TENM2: variants seen among roughly 807,000 people sequenced by gnomAD.
TENM2 encodes the protein teneurin-2.
In TENM2, 52 loss-of-function variants were observed where a neutral mutation model predicts 245.2. The ratio of observed to expected loss-of-function variants is 0.21; its 90% CI spans 0.17 to 0.27. TENM2 has a LOEUF of 0.27. TENM2 is among the 10% of genes least tolerant of loss of function. The pLI, the probability that TENM2 is intolerant of heterozygous loss-of-function variation, is 1.00. For synonymous variants in TENM2, 1,363 were observed against 1,438.9 expected, an observed-to-expected ratio of 0.95 and a Z score of 1.19; for missense variants, 3,046 against 3,666.8, an observed-to-expected ratio of 0.83 and a Z score of 4.37.
At chr5:167,323,161 C>T (rs921921230) in intron 1 of TENM2, among the ~76,000 whole-genome samples, 3 of 152,066 alleles carry the variant, frequency 2.0e-5, no homozygotes, top group African/African-American at 4.8e-5. Context: ...ATATAGAGCT[C>T]GACCGAACTT....
chr5:167,973,040 G>A (rs1164620562), intron 4 of TENM2, among the ~76,000 whole-genome samples: 1 of 152,160 alleles, frequency 6.6e-6, no homozygotes, highest in Admixed American at 6.5e-5. Context: ...GTTTGAGTTT[G>A]CCTCTTCTCC....
chr5:167,687,864 A>G (rs923020424), intron 2 of TENM2, among the ~76,000 whole-genome samples: 1 of 152,218 alleles, frequency 6.6e-6, no homozygotes, highest in Admixed American at 6.5e-5. Context: ...GCACTTGAAA[A>G]TAGACTGCAG....
chr5:168,246,625 A>T (rs1197352828), intron 26 of TENM2, 132 bp from the exon 29 acceptor site: 6 of 921,440 alleles, frequency 6.5e-6, no homozygotes, highest in Non-Finnish European at 8.3e-6. Context: ...AAATCTGTTT[A>T]ATCTGGTCTA....
chr5:167,309,347 T>G (rs1226296341), intron 1 of TENM2, among the ~76,000 whole-genome samples: 1 of 152,192 alleles, frequency 6.6e-6, no homozygotes, highest in Non-Finnish European at 1.5e-5. Context: ...CACTTCTGAC[T>G]TAGGATGGGA....
chr5:167,872,727 C>T (rs1037341497), intron 2 of TENM2, among the ~76,000 whole-genome samples: 5 of 152,252 alleles, frequency 3.3e-5, no homozygotes, highest in Middle Eastern at 3.4e-3. Context: ...TTCTGTGATG[C>T]GTATTCTCAA....
intron 25 of TENM2, among the ~76,000 whole-genome samples, chr5:168,232,583 TC>T (rs1250791026): frequency 6.6e-6 from 1 of 152,146 alleles, no homozygotes; most frequent in Non-Finnish European, 1.5e-5. Flanking sequence ...AGCCTGAACG[TC>T]CCCGGGACTG....
At chr5:167,255,066 T>G in the TENM2 span, among the ~76,000 whole-genome samples, 2 of 150,664 alleles carry the variant, frequency 1.3e-5, no homozygotes, top group African/African-American at 4.9e-5. Flanking sequence ...TGTATTTCTT[T>G]TCTTTTCTTT....
At chr5:167,446,719 C>T (rs1007461320) in intron 2 of TENM2, among the ~76,000 whole-genome samples, 1 of 150,612 alleles carries the variant, frequency 6.6e-6, no homozygotes, top group Non-Finnish European at 1.5e-5. Flanking sequence ...GATTTGTACC[C>T]ATGTGATGTC....
intron 4 of TENM2, among the ~76,000 whole-genome samples, chr5:167,981,511 C>T (rs1782833496): frequency 6.6e-6 from 1 of 152,146 alleles, no homozygotes; most frequent in Non-Finnish European, 1.5e-5. Context: ...GGACAAAAAC[C>T]AAAACCCTCA....
chr5:167,775,944 T>G (rs1369360568), intron 2 of TENM2, among the ~76,000 whole-genome samples: 1 of 152,160 alleles, frequency 6.6e-6, no homozygotes, highest in East Asian at 1.9e-4. Context: ...AATATTATTT[T>G]GAACCATTTT....
At position 168,218,039 on chromosome 5, in the gene TENM2, A is replaced by C; in HGVS notation, c.4234-86A>C. 7.1e-7 allele frequency: 1 copy of C among 1,417,772 alleles called. No homozygotes were observed. Among genetic ancestry groups the C allele is most frequent in the Non-Finnish European group, 9.5e-7 (1 of 1,047,998 alleles). The allele number at this position is 1,417,772 out of a possible 1,614,324, so 87.8% of individuals were successfully genotyped here. Reference sequence around the variant, plus strand: ...TTATTAAAAAGCTGTCTTTTTTCCTAGATATATAAAACCAGTAAGTGCCGT... The same window carrying C: ...TTATTAAAAAGCTGTCTTTTTTCCTCGATATATAAAACCAGTAAGTGCCGT... On this transcript the variant is annotated intron_variant, in intron 22 of 28. Coordinates refer to ENST00000518659, the Ensembl canonical transcript of TENM2. This position sits in a 1 kb window ranked among gnomAD's most constrained non-coding sequence, Gnocchi z 5.2.
chr5:168,218,907 A>C lies in TENM2; in HGVS notation c.5016A>C (p.Thr1672=). ...ATGGAGGCCTCAAAGTCGTGTCCACACAGAACCTGGAGCTTGGTCTCATGA... is the reference window on the plus strand; with the variant it reads ...ATGGAGGCCTCAAAGTCGTGTCCACCCAGAACCTGGAGCTTGGTCTCATGA... Residue 1672 remains threonine (T), a synonymous_variant, in exon 23 of 29, where the codon ACA becomes ACC. Transcript: ENST00000518659. The surrounding 1 kb of genome is among the most constrained non-coding windows in gnomAD (Gnocchi z 5.2). 6.2e-7 allele frequency: 1 copy of C among 1,613,954 alleles called. No individual in the cohort carries two copies. The highest frequency in any genetic ancestry group is 8.5e-7 in the Non-Finnish European group (1 of 1,179,866).
intron 2 of TENM2, among the ~76,000 whole-genome samples, chr5:167,862,637 G>A (rs1045906908): frequency 1.1e-4 from 17 of 152,110 alleles, no homozygotes; most frequent in South Asian, 4.2e-4. Flanking sequence ...AGTTTTCCCC[G>A]GAGAGTGTCC....
chr5:167,786,588 C>T (rs1045141006), intron 2 of TENM2, among the ~76,000 whole-genome samples: 6 of 152,156 alleles, frequency 3.9e-5, no homozygotes, highest in Admixed American at 1.3e-4. Context: ...TGGCTGTGGC[C>T]AGGAGAAAGG....
At chr5:167,809,041 T>C (rs1453650935) in intron 2 of TENM2, among the ~76,000 whole-genome samples, 1 of 152,142 alleles carries the variant, frequency 6.6e-6, no homozygotes. Flanking sequence ...AACAAAGAAA[T>C]GTATAAGATA....
At chr5:167,754,510 A>G (rs544062514) in intron 2 of TENM2, among the ~76,000 whole-genome samples, 27 of 152,298 alleles carry the variant, frequency 1.8e-4, no homozygotes, top group East Asian at 7.7e-4. Flanking sequence ...CGTCAACAGG[A>G]ATGCGCACAT....
intron 4 of TENM2, among the ~76,000 whole-genome samples, chr5:167,986,944 T>C (rs1181872384): frequency 6.6e-6 from 1 of 152,206 alleles, no homozygotes; most frequent in East Asian, 1.9e-4. Context: ...GTGACTGAAA[T>C]CCTTGGGTGA....
chr5:167,899,771 G>A (rs1287346301), intron 3 of TENM2, among the ~76,000 whole-genome samples: 1 of 152,164 alleles, frequency 6.6e-6, no homozygotes, highest in East Asian at 1.9e-4. Context: ...CTATTGCACA[G>A]GAAGCAGATT....
intron 1 of TENM2, among the ~76,000 whole-genome samples, chr5:167,292,499 C>G (rs771793252): frequency 6.6e-6 from 1 of 152,182 alleles, no homozygotes; most frequent in Non-Finnish European, 1.5e-5. Flanking sequence ...TATTTCAACA[C>G]TGGACAATTG....
Sources: allele counts gnomAD v4.1 joint callset (sites outside exome capture counted in the v4.1 genomes callset), GRCh38; gene constraint gnomAD v4.1.1; non-coding constraint Gnocchi (gnomAD v3.1); transcripts MANE v1.5; gene names NCBI Gene and HGNC (gene_info 2026-07-23, HGNC 2026-07-21).